ULK4: variants seen among roughly 807,000 people sequenced by gnomAD.
ULK4 encodes unc-51 like kinase 4.
ULK4 carries 133 observed loss-of-function variants against 160.6 expected under a neutral mutation model. The ratio of observed to expected loss-of-function variants is 0.83; its 90% CI spans 0.72 to 0.96. The LOEUF (loss-of-function observed/expected upper bound fraction) is 0.96, where lower values mean the gene tolerates loss of function less well. Among genes scored for constraint, ULK4 ranks in the 40% least tolerant of loss-of-function variants. ULK4 has a pLI of 0.00. For synonymous variants in ULK4, 534 were observed against 539.8 expected, an observed-to-expected ratio of 0.99 and a Z score of 0.15; for missense variants, 1,580 against 1,499.5, an observed-to-expected ratio of 1.05 and a Z score of -0.89.
chr3:41,624,120 G>A (rs889511035), intron 30 of ULK4, among the ~76,000 whole-genome samples: 13 of 152,316 alleles, frequency 8.5e-5, no homozygotes, highest in African/African-American at 3.1e-4. Flanking sequence ...GTGAGGCTGA[G>A]GCTCCTTACA....
chr3:41,397,342 G>A (rs1263397811), intron 35 of ULK4, among the ~76,000 whole-genome samples: 5 of 152,132 alleles, frequency 3.3e-5, no homozygotes, highest in Non-Finnish European at 5.9e-5. Context: ...AAATGTTGGG[G>A]ATGAGAAAAT....
chr3:41,308,433 C>CAA lies in ULK4; in HGVS notation c.3679-58861_3679-58860dup, dbSNP rs60306590. On this transcript the variant is annotated intron_variant, in intron 35 of 36. Coordinates refer to ENST00000301831, the MANE Select transcript of ULK4 (RefSeq NM_017886.4). Reference sequence around the variant, plus strand: ...TAACCAAATTACTGAATAAAAACTACAAAAAAAAAAAGATTAAGTTGATTA... The same window carrying CAA: ...TAACCAAATTACTGAATAAAAACTACAAAAAAAAAAAAAGATTAAGTTGATTA... 6.7e-3 allele frequency among the ~76,000 whole-genome samples: 879 copies of CAA among 131,332 alleles called. 9 individuals are homozygous for CAA. Among genetic ancestry groups the CAA allele is most frequent in the African/African-American group, 0.022 (817 of 37,226 alleles). 86.2% of individuals were successfully genotyped at this position (131,332 alleles called of 152,430 possible).
intron 27 of ULK4, among the ~76,000 whole-genome samples, chr3:41,682,797 C>T (rs750758274): frequency 6.6e-6 from 1 of 152,132 alleles, no homozygotes; most frequent in Non-Finnish European, 1.5e-5. Context: ...CTCCAAACTT[C>T]CAGTTATGTC....
intron 34 of ULK4, among the ~76,000 whole-genome samples, chr3:41,423,466 G>A (rs1389285613): frequency 6.6e-6 from 1 of 152,112 alleles, no homozygotes; most frequent in Non-Finnish European, 1.5e-5. Context: ...GGCTCAGGCT[G>A]CCTTTAACAA....
intron 1 of ULK4, among the ~76,000 whole-genome samples, chr3:41,961,528 CAG>C (rs771804692): frequency 6.5e-4 from 92 of 141,658 alleles, no homozygotes; most frequent in Non-Finnish European, 1.2e-3. Flanking sequence ...ATCACAGACT[CAG>C]GGGCGCTACG....
At chr3:41,534,036 T>C (rs568096357) in intron 32 of ULK4, among the ~76,000 whole-genome samples, 1 of 152,176 alleles carries the variant, frequency 6.6e-6, no homozygotes, top group African/African-American at 2.4e-5. Flanking sequence ...CTCGATCTCC[T>C]GACTCATGAT....
intron 5 of ULK4, among the ~76,000 whole-genome samples, chr3:41,921,170 G>T (rs1716981): frequency 0.68 from 103,897 of 151,720 alleles, 39,101 homozygotes; most frequent in East Asian, 0.83. Flanking sequence ...AAATTAGCTG[G>T]GCATGGTGGA....
At chr3:41,823,072 T>C (rs73079324) in intron 18 of ULK4, among the ~76,000 whole-genome samples, 47,332 of 151,660 alleles carry the variant, frequency 0.31, 10,824 homozygotes, top group African/African-American at 0.65. Context: ...AAGATAATGA[T>C]GAGTGCTATA....
intron 35 of ULK4, among the ~76,000 whole-genome samples, chr3:41,253,402 T>G (rs2078774960): frequency 6.6e-6 from 1 of 151,954 alleles, no homozygotes; most frequent in African/African-American, 2.4e-5. Flanking sequence ...TATATGGTAG[T>G]AAGGCTTTTA....
At chr3:41,681,677 G>C (rs1237762670) in intron 28 of ULK4, 25 bp from the exon 29 acceptor site, 2 of 1,613,172 alleles carry the variant, frequency 1.2e-6, no homozygotes, top group South Asian at 1.1e-5. Flanking sequence ...AAAATGCCAA[G>C]AATGTGACTC....
chr3:41,472,460 T>C (rs1559628193), intron 32 of ULK4, among the ~76,000 whole-genome samples: 2 of 151,730 alleles, frequency 1.3e-5, no homozygotes, highest in African/African-American at 4.8e-5. Context: ...TGCCAGCTAC[T>C]TAGGAGGCTG....
At chr3:41,878,252 C>T (rs776812533) in intron 17 of ULK4, among the ~76,000 whole-genome samples, 4 of 152,114 alleles carry the variant, frequency 2.6e-5, no homozygotes, top group African/African-American at 9.7e-5. Context: ...CTGTCAGAGA[C>T]AGGAGTAGGC....
At chr3:41,285,497 A>G (rs1254332401) in intron 35 of ULK4, among the ~76,000 whole-genome samples, 1 of 152,156 alleles carries the variant, frequency 6.6e-6, no homozygotes, top group Non-Finnish European at 1.5e-5. Context: ...GGAATGGAAA[A>G]CCAAACATTG....
intron 35 of ULK4, among the ~76,000 whole-genome samples, chr3:41,286,649 G>A (rs1378407480): frequency 2.0e-5 from 3 of 152,132 alleles, no homozygotes; most frequent in African/African-American, 7.2e-5. Context: ...AAGGGAGGCT[G>A]GTGCTGGGTG....
At chr3:41,562,973 T>C (rs1197488482) in intron 32 of ULK4, among the ~76,000 whole-genome samples, 2 of 152,226 alleles carry the variant, frequency 1.3e-5, no homozygotes, top group Non-Finnish European at 2.9e-5. Context: ...GTTTGCAATT[T>C]GGCATGTTTT....
intron 17 of ULK4, among the ~76,000 whole-genome samples, chr3:41,837,358 T>C (rs1372318156): frequency 6.6e-6 from 1 of 152,174 alleles, no homozygotes; most frequent in African/African-American, 2.4e-5. Context: ...GTTTCCTCCA[T>C]GTCCTTTTGT....
At chr3:41,636,624 A>C (rs1351699079) in intron 30 of ULK4, among the ~76,000 whole-genome samples, 2 of 151,592 alleles carry the variant, frequency 1.3e-5, no homozygotes, top group Non-Finnish European at 2.9e-5. Context: ...TTATTATTAT[A>C]CTTTAAGTTT....
chr3:41,268,813 C>CAAAAAAAAA (rs1176923529), intron 35 of ULK4, among the ~76,000 whole-genome samples: 1 of 29,086 alleles, frequency 3.4e-5, no homozygotes, highest in East Asian at 7.9e-4. Context: ...CACACACACA[C>CAAAAAAAAA]AAAAAAAAAA....
intron 17 of ULK4, among the ~76,000 whole-genome samples, chr3:41,865,623 A>G (rs2042598923): frequency 6.6e-6 from 1 of 152,200 alleles, no homozygotes. Context: ...AAAGTTCCAC[A>G]AAGACAGGGA....
Sources: gnomAD v4.1 joint callset for allele counts (sites outside exome capture counted in the v4.1 genomes callset) on GRCh38, gnomAD v4.1.1 for gene constraint, MANE v1.5 for transcripts, NCBI Gene and HGNC (gene_info 2026-07-23, HGNC 2026-07-21) for gene names.